Variants in ADGRB1 observed in about 807,000 individuals in gnomAD.
ADGRB1 encodes the protein adhesion G protein-coupled receptor B1.
Under a neutral mutation model 175.7 loss-of-function variants are expected in ADGRB1, and 36 were observed. The ratio of observed to expected loss-of-function variants is 0.20; its 90% CI spans 0.16 to 0.27. The LOEUF (loss-of-function observed/expected upper bound fraction) is 0.27. Among genes scored for constraint, ADGRB1 ranks in the 10% least tolerant of loss-of-function variants. The pLI, the probability that ADGRB1 is intolerant of heterozygous loss-of-function variation, is 1.00. For missense variants in ADGRB1, 1,731 were observed against 2,255.3 expected, an observed-to-expected ratio of 0.77 and a Z score of 4.71; for synonymous variants, 1,054 against 979.4, an observed-to-expected ratio of 1.08 and a Z score of -1.42.
At chr8:142,488,125 A>G (rs981958580) in intron 13 of ADGRB1, among the ~76,000 whole-genome samples, 12 of 152,130 alleles carry the variant, frequency 7.9e-5, no homozygotes, top group African/African-American at 2.9e-4. Flanking sequence ...ATTCAGCAGG[A>G]CCAGGACCGG....
intron 22 of ADGRB1, among the ~76,000 whole-genome samples, chr8:142,523,808 G>A (rs1194447347): frequency 6.6e-6 from 1 of 152,004 alleles, no homozygotes. Flanking sequence ...GGACAGATGT[G>A]TGAGCATAGG....
intron 21 of ADGRB1, 111 bp from the exon 22 acceptor site, chr8:142,522,530 G>T: frequency 9.3e-7 from 1 of 1,072,022 alleles, no homozygotes. Context: ...CTCTGTTGGG[G>T]GCTTCAGAAG....
At chr8:142,518,361 A>T (rs2132097363) in intron 19 of ADGRB1, 120 bp downstream of exon 19, 1 of 1,039,950 alleles carries the variant, frequency 9.6e-7, no homozygotes, top group Non-Finnish European at 1.4e-6. Flanking sequence ...TCACGTTCCC[A>T]GTCACCTCCG....
intron 13 of ADGRB1, among the ~76,000 whole-genome samples, chr8:142,485,463 G>A (rs1841620364): frequency 6.6e-6 from 1 of 152,218 alleles, no homozygotes; most frequent in Non-Finnish European, 1.5e-5. Flanking sequence ...GGCCGAGGTG[G>A]GAGGATCGCT....
chr8:142,530,236 G>A (rs1033040856), intron 24 of ADGRB1, among the ~76,000 whole-genome samples: 4 of 152,100 alleles, frequency 2.6e-5, no homozygotes, highest in African/African-American at 9.7e-5. Flanking sequence ...GAATGCGTGT[G>A]TGTGTGTGTA....
At position 142,522,062 on chromosome 8, in the gene ADGRB1, C is replaced by T. The variant is rs199689874; in HGVS notation, c.3122C>T (p.Thr1041Met). The change falls in exon 21 of 31, where the codon ACG becomes ATG. Residue 1041 changes from threonine to methionine, a missense_variant. Transcript: ENST00000517894. ...TEAWQSYMAVTGHLRNRLIRK... is the reference protein window; with the variant it reads ...TEAWQSYMAVMGHLRNRLIRK... ...GCCTGGCAGTCCTACATGGCGGTGA[C>T]GGGCCACCTCCGGAACCGCCTCATC... The T allele has an allele frequency of 4.1e-4, 668 of 1,612,632 alleles. 2 individuals carry two copies. The highest frequency in any genetic ancestry group is 1.3e-4 in the Non-Finnish European group (156 of 1,179,662).
chr8:142,493,144 A>G lies in ADGRB1; in HGVS notation c.2675+2329A>G, dbSNP rs1842059995. Among the ~76,000 whole-genome samples, 1 of 151,838 alleles carries G rather than the reference A, an allele frequency of 6.6e-6. No homozygotes were observed. Reference sequence around the variant, plus strand: ...GTGTGGGCCCCTGGGGGGCCTGCAGAGTAAATTGCTTTTTAGAAAGGAAAG... The same window carrying G: ...GTGTGGGCCCCTGGGGGGCCTGCAGGGTAAATTGCTTTTTAGAAAGGAAAG... On this transcript the variant is annotated intron_variant, in intron 17 of 30. Coordinates refer to ENST00000517894, the MANE Select transcript of ADGRB1 (RefSeq NM_001702.3). This position sits in a 1 kb window ranked among gnomAD's most constrained non-coding sequence, Gnocchi z 5.0.
At chr8:142,478,157 C>T (rs756637613) in intron 6 of ADGRB1, 30 bp from the exon 7 acceptor site, 21 of 1,581,846 alleles carry the variant, frequency 1.3e-5, no homozygotes, top group South Asian at 8.1e-5. Flanking sequence ...CGGGTGTTCA[C>T]GCCCACTTTG....
chr8:142,520,028 G>GAGTGATGA (rs1843689698), intron 19 of ADGRB1, among the ~76,000 whole-genome samples: 3 of 87,356 alleles, frequency 3.4e-5, no homozygotes, highest in Admixed American at 1.1e-4. Context: ...GATGGTGGTG[G>GAGTGATGA]TGGTGATGGT....
chr8:142,517,475 G>A (rs892558608), intron 18 of ADGRB1, among the ~76,000 whole-genome samples: 10 of 152,208 alleles, frequency 6.6e-5, no homozygotes, highest in African/African-American at 2.4e-4. Flanking sequence ...AGGGGGCAGG[G>A]CTAGAGGTGG....
chr8:142,515,495 G>A (rs1378494136), intron 18 of ADGRB1, among the ~76,000 whole-genome samples: 9 of 152,178 alleles, frequency 5.9e-5, no homozygotes, highest in South Asian at 2.1e-4. Context: ...GAGGGCAGGC[G>A]GAAGCAGATG....
At chr8:142,499,690 C>T (rs1842397562) in intron 17 of ADGRB1, among the ~76,000 whole-genome samples, 1 of 152,222 alleles carries the variant, frequency 6.6e-6, no homozygotes, top group Non-Finnish European at 1.5e-5. Context: ...CCGGGGGCCC[C>T]TTGCCTGCGT....
intron 17 of ADGRB1, among the ~76,000 whole-genome samples, chr8:142,509,719 T>C (rs1842985107): frequency 6.6e-6 from 1 of 152,234 alleles, no homozygotes; most frequent in Non-Finnish European, 1.5e-5. Flanking sequence ...GGGCAGGGGC[T>C]GTGTCCCGGC....
chr8:142,477,174 G>A lies in ADGRB1; in HGVS notation c.1118G>A (p.Gly373Asp). The A allele has an allele frequency of 6.3e-7, 1 of 1,595,826 alleles. No homozygotes were observed. The highest frequency in any genetic ancestry group is 8.5e-7 in the Non-Finnish European group (1 of 1,177,962). The change falls in exon 5 of 31, where the codon GGC (glycine) becomes GAC (aspartate). Residue 373 changes from glycine (G) to aspartate (D), a missense_variant. This residue lies in a region of ADGRB1 where 178 missense variants were observed against 227.8 expected (regional missense o/e 0.78). Transcript: ENST00000517894. ...WSVCSSTCGE[G>D]WQTRTRFCVS... ...GTGTGCTCCAGCACCTGCGGCGAGG[G>A]CTGGCAGACCCGCACGCGCTTCTGC...
At chr8:142,478,085 G>T (rs1169230157) in intron 6 of ADGRB1, 102 bp from the exon 7 acceptor site, 9 of 1,463,626 alleles carry the variant, frequency 6.1e-6, no homozygotes, top group Non-Finnish European at 8.4e-6. Context: ...GTCCCAGGCT[G>T]GGTGTGGGGT....
In ADGRB1 at chr8:142,542,491, A is replaced by T; in HGVS notation, c.4257A>T (p.Pro1419=). 1.6e-6 allele frequency: 1 copy of T among 619,870 alleles called. No homozygotes were observed. The highest frequency in any genetic ancestry group is 2.1e-6 in the Non-Finnish European group (1 of 476,748). 38.4% of individuals were successfully genotyped at this position (619,870 alleles called of 1,614,324 possible). The stretch of plus-strand genomic sequence containing the variant: ...CCCCACCGCCTCCGCCCCCACCGCC[A>T]CCACCTCCCCAGCAGCCCCTGCCCC... ...AQPPPPPPPP[P]PPPQQPLPPP... is the part of the protein sequence containing the mutation. Residue 1419 remains proline, a synonymous_variant, in exon 28 of 31, where the codon CCA becomes CCT. Transcript: ENST00000517894. The surrounding 1 kb of genome is among the most constrained non-coding windows in gnomAD (Gnocchi z 6.3).
At position 142,541,557 on chromosome 8, in the gene ADGRB1, C is replaced by T. The variant is rs900457539; in HGVS notation, c.3707-384C>T. ...GTGGGCGTCGGGAGCGTTGGAGGGC[C>T]GGCTGGGCTCTGCCACCAGCACAGA... On this transcript the variant is annotated intron_variant, in intron 27 of 30. Coordinates refer to ENST00000517894, the MANE Select transcript of ADGRB1 (RefSeq NM_001702.3). Among the ~76,000 whole-genome samples, 9 of 152,224 alleles carry T rather than the reference C, an allele frequency of 5.9e-5. No individual in the cohort carries two copies. In the South Asian group the frequency reaches 6.2e-4, roughly 10 times the overall value.
chr8:142,501,849 T>C (rs1842573525), intron 17 of ADGRB1, among the ~76,000 whole-genome samples: 1 of 32,822 alleles, frequency 3.0e-5, no homozygotes, highest in African/African-American at 8.3e-5. Flanking sequence ...TTGATGTTTG[T>C]GTGGTTTTGA....
At chr8:142,529,266 G>A (rs945325573) in intron 24 of ADGRB1, among the ~76,000 whole-genome samples, 1 of 152,154 alleles carries the variant, frequency 6.6e-6, no homozygotes, top group Non-Finnish European at 1.5e-5. Flanking sequence ...AGGTATGTGT[G>A]TATGAGTGTG....
Sources: gnomAD v4.1 joint callset for allele counts (sites outside exome capture counted in the v4.1 genomes callset) on GRCh38, gnomAD v4.1.1 for gene constraint, gnomAD v4.1.1 regional missense constraint, Gnocchi (gnomAD v3.1) non-coding constraint, MANE v1.5 for transcripts, NCBI Gene and HGNC (gene_info 2026-07-23, HGNC 2026-07-21) for gene names.